SYNM: variants seen among roughly 807,000 people sequenced by gnomAD.
The protein encoded by SYNM is synemin.
In SYNM, 95 loss-of-function variants were observed where a neutral mutation model predicts 104.0. The ratio of observed to expected loss-of-function variants is 0.91; its 90% confidence interval spans 0.77 to 1.08. The LOEUF is 1.08. Among genes scored for constraint, SYNM ranks in the 50% least tolerant of loss-of-function variants. The pLI, the probability that SYNM is intolerant of heterozygous loss-of-function variation, is 0.00. For missense variants in SYNM, 2,150 were observed against 2,052.2 expected, an observed-to-expected ratio of 1.05 and a Z score of -0.92; for synonymous variants, 918 against 869.0, an observed-to-expected ratio of 1.06 and a Z score of -0.99.
At position 99,129,369 on chromosome 15, in the gene SYNM, T is replaced by G; in HGVS notation, c.1009T>G (p.Phe337Val). ...AEHVENMPSE[F>V]RNKSYHYTDS... is the part of the protein sequence containing the mutation. ...AATGCTTTGTTCAATTTCTACAGAA[T>G]TCAGAAACAAATCCTATCACTATAC... Residue 337 changes from phenylalanine (F) to valine (V), a missense_variant and splice_region_variant, in exon 4 of 4, where the codon TTC becomes GTC. Transcript: ENST00000336292. The G allele has an allele frequency of 6.2e-7, 1 of 1,609,328 alleles. No homozygotes were observed. Among genetic ancestry groups the G allele is most frequent in the Middle Eastern group, 1.7e-4 (1 of 6,048 alleles).
At chr15:99,117,191 C>T (rs543479479) in intron 2 of SYNM, among the ~76,000 whole-genome samples, 2 of 104,328 alleles carry the variant, frequency 1.9e-5, no homozygotes, top group South Asian at 7.1e-4. Flanking sequence ...GTTTCAGGTA[C>T]AGCTGGTCCA....
At chr15:99,127,446 T>C (rs2067457914) in intron 3 of SYNM, among the ~76,000 whole-genome samples, 1 of 152,224 alleles carries the variant, frequency 6.6e-6, no homozygotes. Flanking sequence ...TTTAAAGCCC[T>C]ATAGAATCTT....
chr15:99,111,810 T>C (rs2067302032), intron 1 of SYNM, among the ~76,000 whole-genome samples: 1 of 152,220 alleles, frequency 6.6e-6, no homozygotes, highest in African/African-American at 2.4e-5. Context: ...TTTGCAAGGC[T>C]GAGGCGGGAG....
rs1555485745 is a variant in SYNM, at chr15:99,131,071, C to G, written c.2711C>G (p.Ser904Cys). The part of the protein sequence containing the change: ...PAPSLEGDLG[S>C]THWKEQARSG... Reference sequence around the variant, plus strand: ...CCCTCTCTGGAGGGGGACCTGGGTTCCACTCACTGGAAAGAACAAGCTAGA... The same window carrying G: ...CCCTCTCTGGAGGGGGACCTGGGTTGCACTCACTGGAAAGAACAAGCTAGA... The change falls in exon 4 of 4, where the codon TCC becomes TGC. Residue 904 changes from serine (S) to cysteine (C), a missense_variant. Ser to Cys is a moderately radical substitution (Grantham distance 112). Coordinates refer to ENST00000336292, the MANE Select transcript of SYNM (RefSeq NM_145728.3). This position sits in a 1 kb window ranked among gnomAD's most constrained non-coding sequence, Gnocchi z 4.3. 6.2e-7 allele frequency: 1 copy of G among 1,605,630 alleles called. No homozygotes were observed. The highest frequency in any genetic ancestry group is 2.2e-5 in the East Asian group (1 of 44,560).
In SYNM at chr15:99,133,200, A is replaced by G. The variant is rs2067532222; in HGVS notation, c.*142A>G. The G allele has an allele frequency of 4.9e-6, 7 of 1,442,922 alleles. No homozygotes were observed. The highest frequency in any genetic ancestry group is 2.5e-5 in the East Asian group (1 of 40,312). 89.4% of individuals were successfully genotyped at this position (1,442,922 alleles called of 1,614,324 possible). ...TTAAAGAGTACTCCCGGCATGGTCA[A>G]TTTCCTTTATAGTTAATCCGTAAAG... On this transcript the variant is annotated 3_prime_UTR_variant, in exon 4 of 4. Coordinates refer to ENST00000336292, the MANE Select transcript of SYNM (RefSeq NM_145728.3).
Position 99,132,920 on chromosome 15 carries a change from C to T in SYNM, c.4560C>T (p.Gly1520=). 1 of 1,613,746 alleles carries T rather than the reference C, an allele frequency of 6.2e-7. No individual in the cohort carries two copies. Among genetic ancestry groups the T allele is most frequent in the Non-Finnish European group, 8.5e-7 (1 of 1,179,838 alleles). ...GAGACCAGGCCCACAGAGAACAGGG[C>T]AAGGAGCAGGCCATGTTTGATAAGA... ...GEGDQAHREQ[G]KEQAMFDKKV... is the part of the protein sequence containing the mutation. Residue 1520 remains glycine (G), a synonymous_variant, in exon 4 of 4, where the codon GGC becomes GGT. Coordinates refer to ENST00000336292, the MANE Select transcript of SYNM (RefSeq NM_145728.3).
At position 99,123,173 on chromosome 15, in the gene SYNM, C is replaced by T. The variant is rs1017213512; in HGVS notation, c.936-3549C>T. Among the ~76,000 whole-genome samples the T allele has an allele frequency of 2.6e-5, 4 of 152,166 alleles. No homozygotes were observed. In the East Asian group the frequency reaches 7.7e-4, roughly 29 times the overall value. ...ACTGAGTCACAGTGGGTTTGAGCGG[C>T]CTGCCAGGGTCACAGAACTAGGAAG... is the stretch of plus-strand genomic sequence containing the variant. On this transcript the variant is annotated intron_variant, in intron 2 of 3. Coordinates refer to ENST00000336292, the MANE Select transcript of SYNM (RefSeq NM_145728.3).
intron 1 of SYNM, among the ~76,000 whole-genome samples, chr15:99,110,598 A>C (rs1401885490): frequency 1.3e-5 from 2 of 152,218 alleles, no homozygotes; most frequent in African/African-American, 4.8e-5. Flanking sequence ...TCTACCTTTC[A>C]AGGTTGCAAA....
At chr15:99,140,005 C>A, downstream of SYNM, 2 of 230,504 alleles carry the variant, frequency 8.7e-6, no homozygotes, top group Non-Finnish European at 1.8e-5. Context: ...CCCAAAATGG[C>A]CAAAATAATT....
intron 2 of SYNM, among the ~76,000 whole-genome samples, chr15:99,121,123 A>C (rs1555484479): frequency 6.6e-6 from 1 of 152,108 alleles, no homozygotes; most frequent in East Asian, 1.9e-4. Context: ...CGGGTGGGCA[A>C]GTTTGAATAA....
rs1401022171 is a variant in SYNM at position 99,135,052 on chromosome 15, T to C, written c.*1994T>C. The C allele has an allele frequency of 6.6e-6, 1 of 152,368 alleles. No individual in the cohort carries two copies. The highest frequency in any genetic ancestry group is 2.4e-5 in the African/African-American group (1 of 41,438). The allele number at this position is 152,368 out of a possible 1,614,324, so 9.4% of individuals were successfully genotyped here. ...CAGGACAGACTGGTGGTGAGGAGTC[T>C]AAGTGGGCTCAGTTTGATGTCAGTG... On this transcript the variant is annotated 3_prime_UTR_variant, in exon 4 of 4. Coordinates refer to ENST00000336292, the MANE Select transcript of SYNM (RefSeq NM_145728.3).
rs2151795492 is a variant in SYNM, at chr15:99,105,315, T to C, written c.116T>C (p.Leu39Pro). ...GAGCTGGAGCGCGAAAACCTACTCCTGGAGGAGGAGCTGCGCGGCCGGCGC... is the reference window on the plus strand; with the variant it reads ...GAGCTGGAGCGCGAAAACCTACTCCCGGAGGAGGAGCTGCGCGGCCGGCGC... ...VRELERENLL[L>P]EEELRGRRGR... Residue 39 changes from leucine to proline, a missense_variant, in exon 1 of 4, where the codon CTG becomes CCG. By Grantham distance (98) the Leu-to-Pro change is moderately conservative (BLOSUM62 -3). Transcript: ENST00000336292. The C allele has an allele frequency of 6.5e-7, 1 of 1,545,388 alleles. No homozygotes were observed. The highest frequency in any genetic ancestry group is 8.7e-7 in the Non-Finnish European group (1 of 1,146,638).
intron 1 of SYNM, among the ~76,000 whole-genome samples, chr15:99,112,591 C>T (rs188905819): frequency 1.3e-5 from 2 of 152,326 alleles, no homozygotes; most frequent in South Asian, 2.1e-4. Flanking sequence ...CGCAGTATCT[C>T]CCTGCCAGGT....
At chr15:99,108,834 A>G (rs1162158226) in intron 1 of SYNM, among the ~76,000 whole-genome samples, 2 of 152,232 alleles carry the variant, frequency 1.3e-5, no homozygotes, top group Non-Finnish European at 2.9e-5. Flanking sequence ...ACCTTTAACC[A>G]GTATTCTTGC....
intron 3 of SYNM, chr15:99,129,059 C>G: frequency 3.3e-6 from 1 of 304,932 alleles, no homozygotes; most frequent in South Asian, 5.5e-5. Context: ...ACGAGCACCT[C>G]TGACCTCTCT....
chr15:99,137,682 G>A (rs782243201), downstream of SYNM: 6 of 270,512 alleles, frequency 2.2e-5, no homozygotes, highest in East Asian at 7.6e-5. Context: ...AGCAGATGCC[G>A]GGCTGACTCC....
intron 2 of SYNM, among the ~76,000 whole-genome samples, chr15:99,117,166 C>A (rs977319709): frequency 9.6e-6 from 1 of 104,210 alleles, no homozygotes. Context: ...ACATCCAAAC[C>A]GTATCAAATC....
downstream of SYNM, among the ~76,000 whole-genome samples, chr15:99,138,421 C>T: frequency 6.6e-6 from 1 of 152,166 alleles, no homozygotes; most frequent in Non-Finnish European, 1.5e-5. Flanking sequence ...TCAAGCAACT[C>T]TCATGCCTCA....
intron 3 of SYNM, chr15:99,128,864 G>C (rs760036520): frequency 6.4e-6 from 1 of 155,444 alleles, no homozygotes; most frequent in Non-Finnish European, 1.4e-5. Context: ...ATACTTGTTG[G>C]CCCAATATGG....
Sources: gnomAD v4.1 joint callset for allele counts (sites outside exome capture counted in the v4.1 genomes callset) on GRCh38, gnomAD v4.1.1 for gene constraint, Gnocchi (gnomAD v3.1) non-coding constraint, MANE v1.5 for transcripts, NCBI Gene and HGNC (gene_info 2026-07-23, HGNC 2026-07-21) for gene names.